The following FAM13A variants were observed in gnomAD, a reference collection of about 807,000 sequenced individuals.
FAM13A encodes the protein protein FAM13A.
FAM13A carries 76 observed loss-of-function variants against 129.6 expected under a neutral mutation model. The observed-to-expected ratio is 0.59, with a 90% confidence interval of 0.49 to 0.71. The LOEUF (loss-of-function observed/expected upper bound fraction) is 0.71. Ranked by LOEUF, FAM13A falls within the 30% of genes least tolerant of loss-of-function variation. The probability of loss-of-function intolerance (pLI) is 0.00; values close to 1 mark genes in which losing one functional copy is unlikely to be tolerated. For missense variants in FAM13A, 1,108 were observed against 1,249.3 expected, an observed-to-expected ratio of 0.89 and a Z score of 1.70; for synonymous variants, 443 against 449.9, an observed-to-expected ratio of 0.98 and a Z score of 0.20.
chr4:89,010,762 G>T (rs1765620960), intron 3 of FAM13A, among the ~76,000 whole-genome samples: 1 of 152,128 alleles, frequency 6.6e-6, no homozygotes. Context: ...CAAAGGTACA[G>T]ACACCAGGGT....
intron 4 of FAM13A, among the ~76,000 whole-genome samples, chr4:88,988,774 TAATA>T (rs1250895042): frequency 1.3e-5 from 2 of 151,970 alleles, no homozygotes; most frequent in Non-Finnish European, 2.9e-5. Flanking sequence ...TTGAGAAGAA[TAATA>T]AATAGACAAA....
intron 7 of FAM13A, among the ~76,000 whole-genome samples, chr4:88,809,055 C>T (rs1729132554): frequency 6.6e-6 from 1 of 152,034 alleles, no homozygotes; most frequent in Non-Finnish European, 1.5e-5. Context: ...TAAATGACAC[C>T]TAGACTGATA....
chr4:88,870,227 T>C (rs4456928), intron 6 of FAM13A, among the ~76,000 whole-genome samples: 107,822 of 152,080 alleles, frequency 0.71, 39,699 homozygotes, highest in East Asian at 0.95. Flanking sequence ...ATGCAGAAGA[T>C]GGGTGATTTC....
At chr4:88,946,401 CTTTTTTTTTTTTTT>C (rs3067813) in intron 4 of FAM13A, among the ~76,000 whole-genome samples, 1 of 91,716 alleles carries the variant, frequency 1.1e-5, no homozygotes. Context: ...CTCCCGCGTT[CTTTTTTTTTTTTTT>C]TTTTTTTTGG....
chr4:88,965,028 G>C (rs1759162726), intron 4 of FAM13A, among the ~76,000 whole-genome samples: 1 of 152,128 alleles, frequency 6.6e-6, no homozygotes, highest in African/African-American at 2.4e-5. Context: ...CTGACATAAT[G>C]GGGGGAAAAT....
At chr4:88,990,827 C>G (rs1043810076) in intron 4 of FAM13A, 146 bp downstream of exon 4, 12 of 542,378 alleles carry the variant, frequency 2.2e-5, no homozygotes, top group Non-Finnish European at 3.8e-5. Flanking sequence ...ACAAGGCTAA[C>G]ATGCCCAAGA....
intron 7 of FAM13A, among the ~76,000 whole-genome samples, chr4:88,832,169 G>T (rs370838692): frequency 3.3e-5 from 5 of 152,052 alleles, no homozygotes; most frequent in Non-Finnish European, 4.4e-5. Context: ...GGTGCTGGGA[G>T]AACTGGCTAG....
At chr4:88,841,501 A>G (rs1172511493) in intron 7 of FAM13A, among the ~76,000 whole-genome samples, 1 of 149,494 alleles carries the variant, frequency 6.7e-6, no homozygotes, top group East Asian at 1.9e-4. Context: ...CTCAAAAAAA[A>G]AAAAAAAAAA....
At chr4:88,923,476 G>C in intron 5 of FAM13A, among the ~76,000 whole-genome samples, 1 of 152,160 alleles carries the variant, frequency 6.6e-6, no homozygotes, top group Non-Finnish European at 1.5e-5. Context: ...GAAAGATGCA[G>C]AAAAGGCCTT....
At position 88,781,875 on chromosome 4, in the gene FAM13A, G is replaced by A. The variant is rs547541794; in HGVS notation, c.1272-524C>T. Among the ~76,000 whole-genome samples the A allele has an allele frequency of 1.1e-4, 16 of 151,226 alleles. No homozygotes were observed. In the South Asian group the frequency reaches 2.9e-3, roughly 28 times the overall value. On this transcript the variant is annotated intron_variant, in intron 10 of 23. Coordinates refer to ENST00000264344, the MANE Select transcript of FAM13A (RefSeq NM_014883.4). ...GGAGCGGGGAGGGATAGCATTAGGA[G>A]ATATACCTAATGCTAAATGACGAGT...
chr4:89,048,599 C>G (rs1771158733), intron 1 of FAM13A, among the ~76,000 whole-genome samples: 1 of 152,086 alleles, frequency 6.6e-6, no homozygotes, highest in African/African-American at 2.4e-5. Context: ...CTCAAAAGAG[C>G]TGTTGATAAA....
intron 5 of FAM13A, among the ~76,000 whole-genome samples, chr4:88,933,624 C>A (rs185856056): frequency 1.5e-4 from 21 of 138,902 alleles, no homozygotes; most frequent in African/African-American, 4.5e-4. Flanking sequence ...CTGCCTCAAA[C>A]ATTCTTTAGC....
intron 4 of FAM13A, among the ~76,000 whole-genome samples, chr4:88,984,986 A>C (rs1477864852): frequency 1.3e-5 from 2 of 152,206 alleles, no homozygotes; most frequent in Non-Finnish European, 2.9e-5. Flanking sequence ...ACATGTACAC[A>C]AATGTTCACA....
At chr4:88,986,575 C>T (rs993023286) in intron 4 of FAM13A, among the ~76,000 whole-genome samples, 3 of 152,200 alleles carry the variant, frequency 2.0e-5, no homozygotes, top group African/African-American at 7.2e-5. Context: ...AAGACAACCA[C>T]CCTTTACTTT....
At chr4:88,892,839 T>C (rs1301703113) in intron 6 of FAM13A, among the ~76,000 whole-genome samples, 1 of 152,224 alleles carries the variant, frequency 6.6e-6, no homozygotes, top group Non-Finnish European at 1.5e-5. Context: ...TGCTCATTAT[T>C]TTTTGCTGAT....
At chr4:88,915,091 G>T (rs1483527027) in intron 5 of FAM13A, among the ~76,000 whole-genome samples, 1 of 152,130 alleles carries the variant, frequency 6.6e-6, no homozygotes, top group Non-Finnish European at 1.5e-5. Context: ...AAGTAGCAAA[G>T]GCCCATGGCT....
At chr4:89,045,108 T>G (rs1230283474) in intron 1 of FAM13A, among the ~76,000 whole-genome samples, 1 of 151,952 alleles carries the variant, frequency 6.6e-6, no homozygotes, top group African/African-American at 2.4e-5. Flanking sequence ...ATAAAAAAAG[T>G]TAAAGAATTG....
intron 6 of FAM13A, among the ~76,000 whole-genome samples, chr4:88,885,589 T>C (rs1350558326): frequency 2.0e-5 from 3 of 152,206 alleles, no homozygotes; most frequent in Non-Finnish European, 4.4e-5. Flanking sequence ...CTTCTAGACA[T>C]TGGCTTAGGC....
chr4:89,020,468 A>G lies in FAM13A; in HGVS notation c.419T>C (p.Leu140Pro). The change falls in exon 3 of 24, where the codon CTC becomes CCC. Residue 140 changes from leucine (L) to proline (P), a missense_variant. Coordinates refer to ENST00000264344, the MANE Select transcript of FAM13A (RefSeq NM_014883.4). Reference sequence around the variant, plus strand: ...GGATTTATTGTACTAACCCTGAAAGAGTTGAATGAATCGAGGCTGCAACGC... The same window carrying G: ...GGATTTATTGTACTAACCCTGAAAGGGTTGAATGAATCGAGGCTGCAACGC... ...TSALQPRFIQ[L>P]FQDGRNDVQE... 6.2e-7 allele frequency: 1 copy of G among 1,612,982 alleles called. No homozygotes were observed.
Sources: gnomAD v4.1 joint callset for allele counts (sites outside exome capture counted in the v4.1 genomes callset) on GRCh38, gnomAD v4.1.1 for gene constraint, MANE v1.5 for transcripts, NCBI Gene and HGNC (gene_info 2026-07-23, HGNC 2026-07-21) for gene names.